The following ADRA1A variants were observed in gnomAD, a reference collection of about 807,000 sequenced individuals.
ADRA1A encodes adrenoceptor alpha 1A, also known as alpha-1A adrenergic receptor.
A neutral mutation model predicts 29.6 loss-of-function variants in ADRA1A; 31 were observed. The observed-to-expected ratio is 1.05, with a 90% CI of 0.79 to 1.41. The LOEUF (loss-of-function observed/expected upper bound fraction) is 1.41, where lower values mean the gene tolerates loss of function less well. Ranked by LOEUF, ADRA1A falls within the 40% of genes most tolerant of loss-of-function variation. ADRA1A has a pLI of 0.00. For synonymous variants in ADRA1A, 311 were observed against 254.3 expected, an observed-to-expected ratio of 1.22 and a Z score of -2.12; for missense variants, 619 against 601.1, an observed-to-expected ratio of 1.03 and a Z score of -0.31.
chr8:26,804,343 C>T (rs541074080), intron 2 of ADRA1A, among the ~76,000 whole-genome samples: 1 of 152,004 alleles, frequency 6.6e-6, no homozygotes. Flanking sequence ...TTTGGAATAG[C>T]CCCAAAGTGG....
chr8:26,847,752 C>CT (rs1438131189), intron 2 of ADRA1A, among the ~76,000 whole-genome samples: 1 of 152,210 alleles, frequency 6.6e-6, no homozygotes, highest in Non-Finnish European at 1.5e-5. Context: ...ATACAAACCA[C>CT]ACTTCTTCCC....
rs1232852372 is a variant in ADRA1A at position 26,821,663 on chromosome 8, A to G, written c.883+42424T>C. 6.6e-6 allele frequency among the ~76,000 whole-genome samples: 1 copy of G among 152,190 alleles called. No homozygotes were observed. Among genetic ancestry groups the G allele is most frequent in the Non-Finnish European group, 1.5e-5 (1 of 68,028 alleles). On this transcript the variant is annotated intron_variant, in intron 2 of 2. Coordinates refer to ENST00000380573, the MANE Select transcript of ADRA1A (RefSeq NM_000680.4). This position sits in a 1 kb window ranked among gnomAD's most constrained non-coding sequence, Gnocchi z 5.6. ...TACGGTACAATATCACAACCAGGATATTGACAACGATACAGTCAAGATACA... is the reference window on the plus strand; with the variant it reads ...TACGGTACAATATCACAACCAGGATGTTGACAACGATACAGTCAAGATACA...
chr8:26,818,163 A>T (rs1422934243), intron 2 of ADRA1A, among the ~76,000 whole-genome samples: 1 of 152,192 alleles, frequency 6.6e-6, no homozygotes, highest in Non-Finnish European at 1.5e-5. Context: ...GTTGCCAAGG[A>T]TGGGGGTGGA....
chr8:26,812,704 A>C (rs12674991), intron 2 of ADRA1A, among the ~76,000 whole-genome samples: 11 of 151,562 alleles, frequency 7.3e-5, no homozygotes, highest in South Asian at 2.1e-4. Context: ...TCACTCTGTC[A>C]CCCAGGCTGG....
At chr8:26,844,674 C>T (rs978684989) in intron 2 of ADRA1A, among the ~76,000 whole-genome samples, 1 of 152,138 alleles carries the variant, frequency 6.6e-6, no homozygotes, top group East Asian at 1.9e-4. Flanking sequence ...AATTGGATTT[C>T]TACAAGCAAA....
chr8:26,848,488 G>A lies in ADRA1A; in HGVS notation c.883+15599C>T, dbSNP rs530896626. 3.9e-4 allele frequency among the ~76,000 whole-genome samples: 60 copies of A among 152,278 alleles called. No individual in the cohort carries two copies. Among genetic ancestry groups the A allele is most frequent in the Non-Finnish European group, 6.8e-4 (46 of 68,022 alleles). On this transcript the variant is annotated intron_variant, in intron 2 of 2. Coordinates refer to ENST00000380573, the MANE Select transcript of ADRA1A (RefSeq NM_000680.4). The surrounding 1 kb of genome is among the most constrained non-coding windows in gnomAD (Gnocchi z 4.3). Reference sequence around the variant, plus strand: ...TCATCAGGTGAGAATGCAGGGAGAAGGCAACCATCTGTGACCTAGCAGGAG... The same window carrying A: ...TCATCAGGTGAGAATGCAGGGAGAAAGCAACCATCTGTGACCTAGCAGGAG...
chr8:26,772,737 A>G (rs1806263108), intron 2 of ADRA1A, among the ~76,000 whole-genome samples: 1 of 152,188 alleles, frequency 6.6e-6, no homozygotes, highest in Non-Finnish European at 1.5e-5. Context: ...AAGCTCATCA[A>G]TATAAACAAA....
At chr8:26,812,620 C>A (rs1307178028) in intron 2 of ADRA1A, among the ~76,000 whole-genome samples, 2 of 139,070 alleles carry the variant, frequency 1.4e-5, no homozygotes, top group African/African-American at 5.5e-5. Context: ...AAGGGAGTTG[C>A]CTTTTTATTT....
chr8:26,826,200 A>T (rs895798805), intron 2 of ADRA1A, among the ~76,000 whole-genome samples: 2 of 152,272 alleles, frequency 1.3e-5, no homozygotes, highest in African/African-American at 4.8e-5. Flanking sequence ...AGAATGCTAC[A>T]GTAATTAATG....
intron 2 of ADRA1A, among the ~76,000 whole-genome samples, chr8:26,824,798 A>C (rs1342142359): frequency 1.3e-5 from 2 of 152,232 alleles, no homozygotes; most frequent in African/African-American, 2.4e-5. Context: ...CCTCAGAGTG[A>C]CTAATACCCA....
chr8:26,765,991 G>A (rs1268547983), downstream of ADRA1A: 5 of 1,606,790 alleles, frequency 3.1e-6, no homozygotes, highest in Admixed American at 8.4e-5. Flanking sequence ...ATAATACATA[G>A]CCATAGCTTC....
At chr8:26,816,593 C>T (rs1809784223) in intron 2 of ADRA1A, among the ~76,000 whole-genome samples, 1 of 151,608 alleles carries the variant, frequency 6.6e-6, no homozygotes, top group Admixed American at 6.6e-5. Flanking sequence ...TGCACACGCT[C>T]ATGTGCACAC....
downstream of ADRA1A, among the ~76,000 whole-genome samples, chr8:26,755,869 C>T (rs992493136): frequency 3.3e-5 from 5 of 152,150 alleles, no homozygotes; most frequent in Non-Finnish European, 5.9e-5. Context: ...TCTCTTTGAA[C>T]GAAGGGGATT....
intron 2 of ADRA1A, among the ~76,000 whole-genome samples, chr8:26,773,153 T>G (rs1303444957): frequency 1.7e-4 from 26 of 152,192 alleles, no homozygotes. Context: ...TAGTTACTGG[T>G]AGGTTTGAAA....
At chr8:26,794,248 A>T (rs1190916884) in intron 2 of ADRA1A, among the ~76,000 whole-genome samples, 1 of 152,112 alleles carries the variant, frequency 6.6e-6, no homozygotes, top group Non-Finnish European at 1.5e-5. Context: ...TCAGTGATAC[A>T]CCATTAGATT....
downstream of ADRA1A, among the ~76,000 whole-genome samples, chr8:26,755,245 C>T (rs554175367): frequency 2.6e-5 from 4 of 151,182 alleles, no homozygotes; most frequent in African/African-American, 9.7e-5. Context: ...TGCACTAAGC[C>T]TTGAGAACAA....
At chr8:26,842,968 T>G (rs1375215442) in intron 2 of ADRA1A, among the ~76,000 whole-genome samples, 1 of 151,960 alleles carries the variant, frequency 6.6e-6, no homozygotes, top group East Asian at 1.9e-4. Context: ...TCTTGGAGCT[T>G]CTATTGGCTT....
intron 2 of ADRA1A, chr8:26,858,998 A>G (rs778918074): frequency 3.0e-5 from 35 of 1,182,204 alleles, no homozygotes; most frequent in Non-Finnish European, 3.6e-5. Flanking sequence ...CACAATATAC[A>G]GGAAGGACCT....
intron 2 of ADRA1A, among the ~76,000 whole-genome samples, chr8:26,816,528 GGTGTAT>G (rs1411233320): frequency 1.0e-4 from 12 of 120,602 alleles, no homozygotes; most frequent in African/African-American, 3.7e-4. Flanking sequence ...AGGTGCTCAT[GGTGTAT>G]GTGTGTGTGT....
Sources: allele counts gnomAD v4.1 joint callset (sites outside exome capture counted in the v4.1 genomes callset), GRCh38; gene constraint gnomAD v4.1.1; non-coding constraint Gnocchi (gnomAD v3.1); transcripts MANE v1.5; gene names NCBI Gene and HGNC (gene_info 2026-07-23, HGNC 2026-07-21).